The following TASOR2 variants were observed in gnomAD, a reference collection of about 807,000 sequenced individuals.
TASOR2 encodes transcription activation suppressor family member 2.
Under a neutral mutation model 199.5 loss-of-function variants are expected in TASOR2, and 84 were observed. The ratio of observed to expected loss-of-function variants is 0.42; its 90% CI spans 0.35 to 0.50. TASOR2 has a LOEUF of 0.50. TASOR2 is among the 20% of genes least tolerant of loss of function. The pLI is 0.02. For missense variants in TASOR2, 2,796 were observed against 2,835.9 expected (o/e 0.99, Z 0.32); for synonymous variants, 1,103 against 1,046.6 (o/e 1.05, Z -1.04).
chr10:5,717,970 G>T (rs1832861959), intron 3 of TASOR2, among the ~76,000 whole-genome samples: 1 of 152,048 alleles, frequency 6.6e-6, no homozygotes, highest in Non-Finnish European at 1.5e-5. Flanking sequence ...AAAAGGGTAT[G>T]CAGGGAAAAA....
chr10:5,716,305 C>G (rs950149120), intron 2 of TASOR2, among the ~76,000 whole-genome samples: 2 of 152,014 alleles, frequency 1.3e-5, no homozygotes, highest in Non-Finnish European at 2.9e-5. Context: ...TACTTTTGGG[C>G]TATTATGAAT....
intron 1 of TASOR2, among the ~76,000 whole-genome samples, chr10:5,700,341 C>G (rs1307158183): frequency 1.3e-5 from 2 of 151,958 alleles, no homozygotes; most frequent in Non-Finnish European, 2.9e-5. Flanking sequence ...TGTTGATGGA[C>G]ACTGAGGTTG....
At chr10:5,729,928 G>T (rs1834580198) in intron 10 of TASOR2, among the ~76,000 whole-genome samples, 1 of 151,898 alleles carries the variant, frequency 6.6e-6, no homozygotes, top group South Asian at 2.1e-4. Flanking sequence ...GTCAGTTTTA[G>T]AAGTTTTTAT....
At chr10:5,762,503 C>CA in intron 19 of TASOR2, 29 bp from the exon 21 acceptor site, 1 of 518,594 alleles carries the variant, frequency 1.9e-6, no homozygotes. Flanking sequence ...TTATATTAAC[C>CA]AAAAGTTGTT....
rs189664543 is a variant in TASOR2 at position 5,733,773 on chromosome 10, C to T, written c.1205-1531C>T. Among the ~76,000 whole-genome samples, 775 of 151,842 alleles carry T rather than the reference C, an allele frequency of 5.1e-3. 2 individuals are homozygous for T. The highest frequency in any genetic ancestry group is 8.2e-3 in the Non-Finnish European group (558 of 67,900). ...TTTTTAATTTAGTCTTAACTGTTTT[C>T]CTGATTTATTTTTATTTTGCTCTTC... On this transcript the variant is annotated intron_variant, in intron 11 of 20. Transcript: ENST00000328090.
At chr10:5,726,253 A>G (rs1181466215) in intron 8 of TASOR2, among the ~76,000 whole-genome samples, 1 of 152,220 alleles carries the variant, frequency 6.6e-6, no homozygotes, top group Non-Finnish European at 1.5e-5. Flanking sequence ...AAACTGCCCC[A>G]GTTACTGAAA....
intron 18 of TASOR2, among the ~76,000 whole-genome samples, chr10:5,759,316 A>G (rs1054887194): frequency 2.2e-4 from 33 of 152,338 alleles, no homozygotes; most frequent in African/African-American, 7.0e-4. Context: ...TTGGATACTT[A>G]TAAGTTGCCA....
At chr10:5,727,197 C>T (rs1201129702) in intron 10 of TASOR2, 74 bp downstream of exon 11, 1 of 1,460,338 alleles carries the variant, frequency 6.8e-7, no homozygotes, top group Non-Finnish European at 9.6e-7. Context: ...GACCTCTCAG[C>T]AGCACGTGAC....
At chr10:5,715,601 A>G (rs74992420) in intron 2 of TASOR2, among the ~76,000 whole-genome samples, 3,708 of 151,900 alleles carry the variant, frequency 0.024, 58 homozygotes, top group South Asian at 0.037. Flanking sequence ...AGCACTTAAC[A>G]ATGGGGATAC....
At chr10:5,716,970 A>AT (rs78327684) in intron 2 of TASOR2, among the ~76,000 whole-genome samples, 38,412 of 145,536 alleles carry the variant, frequency 0.26, 5,819 homozygotes, top group Non-Finnish European at 0.34. Flanking sequence ...CATTTGTTTA[A>AT]TTTTTTTTCT....
rs751430841 is a variant in TASOR2 at position 5,736,430 on chromosome 10, AAGAG to A, written c.1447+892_1447+895del. ...GAGACTCCGTCTCAGAAAAAAAAAA[AAGAG>A]AGAGAGACGGGGTTTCACCATGTTG... On this transcript the variant is annotated intron_variant, in intron 12 of 20. Coordinates refer to ENST00000328090, the Ensembl canonical transcript of TASOR2. Among the ~76,000 whole-genome samples, 906 of 137,398 alleles carry A rather than the reference AAGAG, an allele frequency of 6.6e-3. 16 individuals are homozygous for A. The East Asian group carries it at 0.085, about 13-fold the overall frequency. The allele number at this position is 137,398 out of a possible 152,430, so 90.1% of individuals were successfully genotyped here.
intron 1 of TASOR2, among the ~76,000 whole-genome samples, chr10:5,697,689 A>G (rs1235038809): frequency 6.6e-6 from 1 of 152,208 alleles, no homozygotes; most frequent in African/African-American, 2.4e-5. Context: ...AAGGCACCAT[A>G]TTATAAAACA....
intron 2 of TASOR2, 52 bp from the exon 4 acceptor site, chr10:5,717,607 C>A: frequency 2.7e-6 from 2 of 743,220 alleles, no homozygotes; most frequent in Non-Finnish European, 3.7e-6. Flanking sequence ...CTTCTACTTT[C>A]TCCTGTCTGA....
chr10:5,721,818 C>T (rs749343584), intron 6 of TASOR2, among the ~76,000 whole-genome samples: 8 of 152,168 alleles, frequency 5.3e-5, no homozygotes, highest in Non-Finnish European at 1.5e-5. Flanking sequence ...ACAATGCAGA[C>T]TTACCAGTGG....
At chr10:5,746,478 C>T (rs1166916633) in exon 15 of TASOR2, 1 of 1,614,038 alleles carries the variant, frequency 6.2e-7, no homozygotes. Context: ...CTTTACAGGA[C>T]CTTATCCAAC....
At chr10:5,708,497 G>T (rs1308534905) in intron 1 of TASOR2, among the ~76,000 whole-genome samples, 2 of 151,888 alleles carry the variant, frequency 1.3e-5, no homozygotes, top group East Asian at 3.9e-4. Context: ...TTTCTTCCTT[G>T]TCTATTCTGA....
rs770109556 is a variant in TASOR2 at position 5,698,696 on chromosome 10, C to G, written c.-288+13521C>G. 3.9e-5 allele frequency among the ~76,000 whole-genome samples: 6 copies of G among 151,958 alleles called. No homozygotes were observed. Among genetic ancestry groups the G allele is most frequent in the Non-Finnish European group, 8.8e-5 (6 of 67,994 alleles). On this transcript the variant is annotated intron_variant, in intron 1 of 20. Coordinates refer to ENST00000328090, the Ensembl canonical transcript of TASOR2. The surrounding 1 kb of genome is among the most constrained non-coding windows in gnomAD (Gnocchi z 4.4). ...AATCCTAAAGTATTTATTTTCTGAC[C>G]CTTTATGAAAAAGTTTGCTGACCTT...
At chr10:5,734,852 A>G (rs1835344621) in intron 11 of TASOR2, among the ~76,000 whole-genome samples, 1 of 141,994 alleles carries the variant, frequency 7.0e-6, no homozygotes, top group Non-Finnish European at 1.5e-5. Context: ...ACATGCCACC[A>G]CTCCTTGCTA....
intron 16 of TASOR2, 72 bp downstream of exon 17, chr10:5,756,810 C>T (rs938608480): frequency 2.0e-6 from 3 of 1,494,604 alleles, no homozygotes; most frequent in South Asian, 2.5e-5. Context: ...CAGACTCATC[C>T]CTCTTTTTTT....
Sources: gnomAD v4.1 joint callset for allele counts (sites outside exome capture counted in the v4.1 genomes callset) on GRCh38, gnomAD v4.1.1 for gene constraint, Gnocchi (gnomAD v3.1) non-coding constraint, MANE v1.5 for transcripts, NCBI Gene and HGNC (gene_info 2026-07-23, HGNC 2026-07-21) for gene names.